The following PHGDH variants were observed in gnomAD, a reference collection of about 807,000 sequenced individuals.
PHGDH encodes the protein phosphoglycerate dehydrogenase.
Under a neutral mutation model 52.6 loss-of-function variants are expected in PHGDH, and 50 were observed. That is an observed-to-expected ratio of 0.95 (90% CI 0.76 to 1.20). PHGDH has a LOEUF of 1.20. Among genes scored for constraint, PHGDH ranks in the 50% most tolerant of loss-of-function variants. The probability of loss-of-function intolerance (pLI) is 0.00; values close to 1 mark genes in which losing one functional copy is unlikely to be tolerated. For synonymous variants in PHGDH, 271 were observed against 280.5 expected (o/e 0.97, Z 0.34); for missense variants, 630 against 684.6 (o/e 0.92, Z 0.89).
intron 9 of PHGDH, among the ~76,000 whole-genome samples, chr1:119,741,031 C>G (rs775713254): frequency 6.6e-6 from 1 of 152,242 alleles, no homozygotes; most frequent in East Asian, 1.9e-4. Context: ...TGACAGCCCT[C>G]GAGAGAGAGT....
chr1:119,743,272 G>T (rs895412114), intron 11 of PHGDH, among the ~76,000 whole-genome samples: 1 of 152,258 alleles, frequency 6.6e-6, no homozygotes, highest in Non-Finnish European at 1.5e-5. Flanking sequence ...CATGGCAGGG[G>T]TGGGGCCATA....
At chr1:119,742,236 T>C (rs982122429) in intron 10 of PHGDH, 2 of 399,136 alleles carry the variant, frequency 5.0e-6, no homozygotes, top group Admixed American at 3.7e-5. Flanking sequence ...CCCTCAGGGC[T>C]CCTCATGCCG....
In PHGDH at chr1:119,724,398, G is replaced by A. The variant is rs755975448; in HGVS notation, c.356+957G>A. On this transcript the variant is annotated intron_variant, in intron 3 of 11. Transcript: ENST00000641023. ...CCCTCCTGCTGGAGGAGGATCTGGGGGAATTTACCTCTGCTCTAACTCCTC... is the reference window on the plus strand; with the variant it reads ...CCCTCCTGCTGGAGGAGGATCTGGGAGAATTTACCTCTGCTCTAACTCCTC... 4 of 204,966 alleles carry A rather than the reference G, an allele frequency of 2.0e-5. No homozygotes were observed. In the Middle Eastern group the frequency reaches 8.9e-3, roughly 458 times the overall value. 12.7% of individuals were successfully genotyped at this position (204,966 alleles called of 1,614,324 possible).
At chr1:119,712,802 C>T (rs1388408211) in intron 1 of PHGDH, among the ~76,000 whole-genome samples, 1 of 152,180 alleles carries the variant, frequency 6.6e-6, no homozygotes, top group Non-Finnish European at 1.5e-5. Flanking sequence ...TCGTCTGATG[C>T]AAGACTGCTC....
intron 3 of PHGDH, among the ~76,000 whole-genome samples, chr1:119,725,632 T>C (rs1042327798): frequency 1.3e-5 from 2 of 152,232 alleles, no homozygotes; most frequent in African/African-American, 4.8e-5. Context: ...AGATTCCACC[T>C]TCAGCCTTAC....
chr1:119,741,896 A>G lies in PHGDH; in HGVS notation c.1208A>G (p.Asn403Ser), dbSNP rs139827025. The G allele has an allele frequency of 1.6e-4, 256 of 1,613,554 alleles. No homozygotes were observed. The African/African-American group carries it at 2.9e-3, about 18-fold the overall frequency. ...AKLLVKEAGL[N>S]VTTSHSPAAP... is the part of the protein sequence containing the mutation. ...CTGCTGGTGAAAGAGGCTGGCCTCA[A>G]TGTGCGCCCCTCTCCCCCACGCTGC... The change falls in exon 10 of 12, where the codon AAT becomes AGT. Residue 403 changes from asparagine (N) to serine (S), a missense_variant and splice_region_variant. Asn to Ser is a conservative substitution (Grantham distance 46). Transcript: ENST00000641023.
intron 8 of PHGDH, 49 bp downstream of exon 8, chr1:119,737,315 G>A (rs1446206360): frequency 1.3e-6 from 2 of 1,537,508 alleles, no homozygotes; most frequent in Non-Finnish European, 9.0e-7. Flanking sequence ...AGGGAGGAGA[G>A]GAAGGAAGGC....
intron 8 of PHGDH, among the ~76,000 whole-genome samples, 172 bp downstream of exon 8, chr1:119,737,438 G>T (rs921775473): frequency 6.6e-6 from 1 of 152,190 alleles, no homozygotes; most frequent in Non-Finnish European, 1.5e-5. Context: ...GGAGCCTCCC[G>T]TCTCCAGCCT....
chr1:119,717,721 T>C (rs756481319), intron 1 of PHGDH, among the ~76,000 whole-genome samples: 5 of 152,236 alleles, frequency 3.3e-5, no homozygotes, highest in Non-Finnish European at 7.3e-5. Context: ...GTTGACTGAT[T>C]TGTCAATTTC....
chr1:119,721,314 G>A lies in PHGDH; in HGVS notation c.283G>A (p.Val95Ile). Residue 95 changes from valine to isoleucine, a missense_variant, in exon 2 of 12, where the codon GTT becomes ATT. Val to Ile is a conservative substitution (Grantham distance 29). Transcript: ENST00000641023. ...LEAATRKGIL[V>I]MNTPNGNSLS... ...GGCCGCAACAAGGAAGGGCATCTTG[G>A]TTATGAAGTAAGTCATGGAGGCTGC... 1.2e-6 allele frequency: 2 copies of A among 1,613,902 alleles called. No homozygotes were observed. Among genetic ancestry groups the A allele is most frequent in the South Asian group, 2.2e-5 (2 of 91,060 alleles).
chr1:119,737,308 G>A, intron 8 of PHGDH, 42 bp downstream of exon 8: 1 of 1,574,864 alleles, frequency 6.3e-7, no homozygotes. Flanking sequence ...GAGTCAGAGG[G>A]AGGAGAGGAA....
intron 3 of PHGDH, among the ~76,000 whole-genome samples, chr1:119,723,772 A>AG (rs1251183026): frequency 6.6e-6 from 1 of 151,704 alleles, no homozygotes; most frequent in Non-Finnish European, 1.5e-5. Context: ...AGGATGTTCC[A>AG]GGCAGCAGGG....
At position 119,741,729 on chromosome 1, in the gene PHGDH, C is replaced by A. The variant is rs587598214; in HGVS notation, c.1079-38C>A. The A allele has an allele frequency of 4.4e-6, 7 of 1,606,020 alleles. No homozygotes were observed. The East Asian group carries it at 1.1e-4, about 26-fold the overall frequency. On this transcript the variant is annotated intron_variant, in intron 9 of 11. Transcript: ENST00000641023. ...TCCTGCCCCCTCCTGTAGTGCTCAA[C>A]AAACAGTGACCTCATGGTAGCTTCT... is the stretch of plus-strand genomic sequence containing the variant.
intron 1 of PHGDH, chr1:119,715,941 T>C (rs587608468): frequency 6.6e-6 from 1 of 152,556 alleles, no homozygotes; most frequent in East Asian, 1.9e-4. Context: ...TGCATTTGGT[T>C]AGGGCTGTGG....
At position 119,721,323 on chromosome 1, in the gene PHGDH, T is replaced by C. The variant is rs886041874; in HGVS notation, c.290+2T>C. On this transcript the variant is annotated splice_donor_variant, in intron 2 of 11. Transcript: ENST00000641023. LOFTEE classifies it high-confidence loss of function. The stretch of plus-strand genomic sequence containing the variant: ...AAGGAAGGGCATCTTGGTTATGAAG[T>C]AAGTCATGGAGGCTGCGGGCGGTTT... 2.5e-6 allele frequency: 4 copies of C among 1,613,488 alleles called. No homozygotes were observed. Among genetic ancestry groups the C allele is most frequent in the Non-Finnish European group, 2.5e-6 (3 of 1,179,794 alleles).
At chr1:119,727,331 A>T in intron 5 of PHGDH, 1 of 571,566 alleles carries the variant, frequency 1.7e-6, no homozygotes, top group South Asian at 2.0e-5. Flanking sequence ...TGGTGAGTGA[A>T]TAGCCCTGAG....
Position 119,734,773 on chromosome 1 carries a change from G to A in PHGDH, c.643+7G>A, listed in dbSNP as rs943894952. The stretch of plus-strand genomic sequence containing the variant: ...CTCCTGCCCTCCACGACAGGTAGGT[G>A]TGTCCTTACATTGTGGATTGGTCAC... On this transcript the variant is annotated splice_region_variant and intron_variant, in intron 6 of 11. Transcript: ENST00000641023. 1 of 1,613,902 alleles carries A rather than the reference G, an allele frequency of 6.2e-7. No homozygotes were observed. The highest frequency in any genetic ancestry group is 8.5e-7 in the Non-Finnish European group (1 of 1,179,986).
intron 1 of PHGDH, among the ~76,000 whole-genome samples, chr1:119,712,809 G>T (rs1650759395): frequency 6.6e-6 from 1 of 152,194 alleles, no homozygotes; most frequent in African/African-American, 2.4e-5. Flanking sequence ...ATGCAAGACT[G>T]CTCCGTGCTT....
chr1:119,732,235 C>T (rs1173553287), intron 5 of PHGDH, among the ~76,000 whole-genome samples: 3 of 152,216 alleles, frequency 2.0e-5, no homozygotes, highest in Non-Finnish European at 4.4e-5. Flanking sequence ...ATACCAGCCT[C>T]TCAGGGCTGT....
Sources: allele counts gnomAD v4.1 joint callset (sites outside exome capture counted in the v4.1 genomes callset), GRCh38; gene constraint gnomAD v4.1.1; transcripts MANE v1.5; gene names NCBI Gene and HGNC (gene_info 2026-07-23, HGNC 2026-07-21).